SLC4A4: variants seen among roughly 807,000 people sequenced by gnomAD.
SLC4A4 encodes electrogenic sodium bicarbonate cotransporter 1.
SLC4A4 carries 27 observed loss-of-function variants against 111.5 expected under a neutral mutation model. The ratio of observed to expected loss-of-function variants is 0.24; its 90% confidence interval spans 0.18 to 0.33. The LOEUF is 0.33. SLC4A4 is among the 10% of genes least tolerant of loss of function. SLC4A4 has a pLI of 1.00. For synonymous variants in SLC4A4, 443 were observed against 463.4 expected (o/e 0.96, Z 0.57); for missense variants, 909 against 1,315.5 (o/e 0.69, Z 4.78).
At chr4:71,437,626 A>G in intron 7 of SLC4A4, 1 of 518,998 alleles carries the variant, frequency 1.9e-6, no homozygotes. Context: ...GTCAACATCC[A>G]CAAAGGCAAG....
intron 2 of SLC4A4, among the ~76,000 whole-genome samples, chr4:71,136,045 T>C (rs1444694203): frequency 6.6e-6 from 1 of 152,216 alleles, no homozygotes; most frequent in Non-Finnish European, 1.5e-5. Flanking sequence ...AGAAGAACCA[T>C]AAGAGCTTAA....
intron 7 of SLC4A4, among the ~76,000 whole-genome samples, chr4:71,431,701 C>T (rs1723659365): frequency 6.6e-6 from 1 of 151,886 alleles, no homozygotes; most frequent in African/African-American, 2.4e-5. Flanking sequence ...TTTCTCTTAG[C>T]TATTGCCTTA....
At chr4:71,329,626 G>A (rs1267781856) in intron 3 of SLC4A4, among the ~76,000 whole-genome samples, 2 of 152,022 alleles carry the variant, frequency 1.3e-5, no homozygotes, top group African/African-American at 4.8e-5. Context: ...ATTGTTCACT[G>A]CTGGCATGTA....
At position 71,555,219 on chromosome 4, in the gene SLC4A4, G is replaced by C; in HGVS notation, c.2763+11G>C. 1 of 1,562,316 alleles carries C rather than the reference G, an allele frequency of 6.4e-7. No homozygotes were observed. Among genetic ancestry groups the C allele is most frequent in the Non-Finnish European group, 8.8e-7 (1 of 1,133,468 alleles). Reference sequence around the variant, plus strand: ...CTTAATGGTGTGCAGGTAAGTTTTTGAATAGCAATGTAAGTACAGTAGTGT... The same window carrying C: ...CTTAATGGTGTGCAGGTAAGTTTTTCAATAGCAATGTAAGTACAGTAGTGT... On this transcript the variant is annotated intron_variant, in intron 21 of 25. Transcript: ENST00000264485.
intron 7 of SLC4A4, among the ~76,000 whole-genome samples, chr4:71,400,870 A>C (rs890574152): frequency 1.3e-5 from 2 of 152,142 alleles, no homozygotes; most frequent in African/African-American, 4.8e-5. Context: ...GAAAGAAAAA[A>C]AAAGGTTTCC....
intron 2 of SLC4A4, among the ~76,000 whole-genome samples, chr4:71,158,673 T>G (rs768189452): frequency 6.6e-6 from 1 of 152,188 alleles, no homozygotes; most frequent in Non-Finnish European, 1.5e-5. Flanking sequence ...GGCAGGCGCT[T>G]CTTCTATCAA....
At chr4:71,192,380 G>C (rs1745771738) in intron 1 of SLC4A4, among the ~76,000 whole-genome samples, 1 of 152,170 alleles carries the variant, frequency 6.6e-6, no homozygotes, top group Admixed American at 6.5e-5. Context: ...ACATCCCTCA[G>C]AGTCAGTTTA....
chr4:71,179,436 G>A (rs141603586), intron 2 of SLC4A4, among the ~76,000 whole-genome samples: 1 of 152,196 alleles, frequency 6.6e-6, no homozygotes, highest in Admixed American at 6.5e-5. Context: ...CAGATGACAT[G>A]ATTGTATATC....
At chr4:71,109,795 G>A (rs1020146920) in intron 2 of SLC4A4, among the ~76,000 whole-genome samples, 1 of 151,992 alleles carries the variant, frequency 6.6e-6, no homozygotes, top group African/African-American at 2.4e-5. Context: ...TGTCGTCCTC[G>A]GCCTCCCGAA....
At chr4:71,444,390 G>A (rs1444623647) in intron 8 of SLC4A4, among the ~76,000 whole-genome samples, 2 of 152,144 alleles carry the variant, frequency 1.3e-5, no homozygotes, top group Non-Finnish European at 2.9e-5. Context: ...CAGATAACTA[G>A]ACGCTATTAA....
intron 12 of SLC4A4, among the ~76,000 whole-genome samples, chr4:71,455,464 C>A (rs1044132470): frequency 1.3e-5 from 2 of 151,986 alleles, no homozygotes; most frequent in Admixed American, 1.3e-4. Flanking sequence ...TAAATGACAG[C>A]GTAAGGATAA....
At chr4:71,504,858 T>C (rs1204528336) in intron 16 of SLC4A4, among the ~76,000 whole-genome samples, 6 of 152,090 alleles carry the variant, frequency 3.9e-5, no homozygotes, top group Non-Finnish European at 8.8e-5. Flanking sequence ...CTAGCTTTTC[T>C]TCCTGATTCT....
intron 3 of SLC4A4, among the ~76,000 whole-genome samples, chr4:71,261,184 G>A (rs190861098): frequency 2.0e-5 from 3 of 152,304 alleles, no homozygotes; most frequent in Admixed American, 1.3e-4. Context: ...TTGGCTGGCA[G>A]GTGAGAGGAC....
At chr4:71,159,822 C>A (rs996820387) in intron 2 of SLC4A4, among the ~76,000 whole-genome samples, 1 of 152,174 alleles carries the variant, frequency 6.6e-6, no homozygotes, top group Non-Finnish European at 1.5e-5. Context: ...ATATAAAAAT[C>A]TGAGCATAGT....
chr4:71,436,520 C>T lies in SLC4A4; in HGVS notation c.808-4096C>T, dbSNP rs183533422. ...CGTGTATACATATGTAACAAACCTG[C>T]ACATTCTGCACATGTACCCCAGAAC... is the stretch of plus-strand genomic sequence containing the variant. On this transcript the variant is annotated intron_variant, in intron 7 of 25. Coordinates refer to ENST00000264485, the MANE Select transcript of SLC4A4 (RefSeq NM_001098484.3). 3.6e-3 allele frequency among the ~76,000 whole-genome samples: 546 copies of T among 152,254 alleles called. 5 individuals carry two copies. The highest frequency in any genetic ancestry group is 5.9e-3 in the Non-Finnish European group (401 of 68,012).
At chr4:71,255,625 G>A (rs1014018711) in intron 3 of SLC4A4, among the ~76,000 whole-genome samples, 2 of 152,158 alleles carry the variant, frequency 1.3e-5, no homozygotes, top group African/African-American at 4.8e-5. Flanking sequence ...GCCTGACTAA[G>A]TTTAGGCATA....
intron 2 of SLC4A4, among the ~76,000 whole-genome samples, chr4:71,114,063 C>A (rs545836311): frequency 1.3e-5 from 2 of 152,072 alleles, no homozygotes; most frequent in East Asian, 3.9e-4. Context: ...CTGGCTAACA[C>A]GGTGAAACCC....
chr4:71,230,658 G>T (rs1050250238), intron 1 of SLC4A4, among the ~76,000 whole-genome samples: 6 of 152,192 alleles, frequency 3.9e-5, no homozygotes, highest in African/African-American at 1.4e-4. Flanking sequence ...GTGCCCTGCT[G>T]CTCTCTAGGG....
intron 15 of SLC4A4, among the ~76,000 whole-genome samples, chr4:71,492,222 A>G (rs983830064): frequency 6.6e-6 from 1 of 151,862 alleles, no homozygotes; most frequent in Admixed American, 6.6e-5. Flanking sequence ...AGAATAAAGC[A>G]GTGAAGCCCC....
Sources: gnomAD v4.1 joint callset for allele counts (sites outside exome capture counted in the v4.1 genomes callset) on GRCh38, gnomAD v4.1.1 for gene constraint, MANE v1.5 for transcripts, NCBI Gene and HGNC (gene_info 2026-07-23, HGNC 2026-07-21) for gene names.